The following MRPS35 variants were observed in gnomAD, a reference collection of about 807,000 sequenced individuals.
MRPS35 encodes the protein small ribosomal subunit protein mS35.
Under a neutral mutation model 32.7 loss-of-function variants are expected in MRPS35, and 29 were observed. The observed-to-expected ratio is 0.89, with a 90% confidence interval of 0.66 to 1.21. The LOEUF is 1.21. Ranked by LOEUF, MRPS35 falls within the 50% of genes most tolerant of loss-of-function variation. The probability of loss-of-function intolerance (pLI) is 0.00; values close to 1 mark genes in which losing one functional copy is unlikely to be tolerated. For missense variants in MRPS35, 373 were observed against 383.8 expected (o/e 0.97, Z 0.23); for synonymous variants, 148 against 139.3 (o/e 1.06, Z -0.44).
At chr12:27,732,999 T>G (rs1367654845) in intron 5 of MRPS35, among the ~76,000 whole-genome samples, 142 of 10,190 alleles carry the variant, frequency 0.014, 5 homozygotes, top group East Asian at 0.13. Context: ...TATATATATA[T>G]ATATATATAT....
intron 4 of MRPS35, among the ~76,000 whole-genome samples, chr12:27,723,260 C>T (rs1044729643): frequency 6.6e-6 from 1 of 152,150 alleles, no homozygotes; most frequent in South Asian, 2.1e-4. Flanking sequence ...TGGGAGCTAC[C>T]TCTTTTCCTT....
At position 27,717,340 on chromosome 12, in the gene MRPS35, A is replaced by G. The variant is rs1466407673; in HGVS notation, c.321+882A>G. ...TAGAATATTATTTAGTATTATTATT[A>G]TAGTCTACCAAATTTAACTTTATTG... is the stretch of plus-strand genomic sequence containing the variant. On this transcript the variant is annotated intron_variant, in intron 3 of 7. Coordinates refer to ENST00000081029, the MANE Select transcript of MRPS35 (RefSeq NM_021821.4). Among the ~76,000 whole-genome samples, 5 of 152,254 alleles carry G rather than the reference A, an allele frequency of 3.3e-5. No individual in the cohort carries two copies. The South Asian group carries it at 8.3e-4, about 25-fold the overall frequency.
At chr12:27,725,124 C>T (rs1410125654) in intron 5 of MRPS35, among the ~76,000 whole-genome samples, 2 of 151,996 alleles carry the variant, frequency 1.3e-5, no homozygotes, top group Non-Finnish European at 2.9e-5. Flanking sequence ...ACTTTGTTGC[C>T]CAGCTTTTCT....
At position 27,755,969 on chromosome 12, in the gene MRPS35, T is replaced by C. The variant is rs191649628; in HGVS notation, c.*519T>C. 2 of 152,262 alleles carry C rather than the reference T, an allele frequency of 1.3e-5. No individual in the cohort carries two copies. The highest frequency in any genetic ancestry group is 2.9e-5 in the Non-Finnish European group (2 of 68,062). 9.4% of individuals were successfully genotyped at this position (152,262 alleles called of 1,614,324 possible). ...TAACCTGATATTTTCTAAAAAGATA[T>C]GTTGATTCAACTTTGTTTAGCATCC... On this transcript the variant is annotated 3_prime_UTR_variant, in exon 8 of 8. Transcript: ENST00000081029.
chr12:27,716,525 T>G (rs1007567045), intron 3 of MRPS35, 67 bp downstream of exon 3: 67 of 1,533,000 alleles, frequency 4.4e-5, no homozygotes, highest in Non-Finnish European at 5.8e-5. Context: ...TCCCCCCTAT[T>G]TCTGCTCTCT....
At chr12:27,748,141 A>AT (rs1448380869) in intron 7 of MRPS35, among the ~76,000 whole-genome samples, 1 of 152,120 alleles carries the variant, frequency 6.6e-6, no homozygotes, top group Non-Finnish European at 1.5e-5. Flanking sequence ...CATTTCCTCG[A>AT]TTGTGTTAAG....
chr12:27,755,154 ATT>A, intron 7 of MRPS35, 25 bp from the exon 8 acceptor site: 1 of 1,466,596 alleles, frequency 6.8e-7, no homozygotes, highest in Admixed American at 2.6e-5. Context: ...TTCAGAACTC[ATT>A]TTTTTTTGTT....
At chr12:27,728,953 G>A (rs188002118) in intron 5 of MRPS35, among the ~76,000 whole-genome samples, 2 of 152,294 alleles carry the variant, frequency 1.3e-5, no homozygotes, top group Non-Finnish European at 2.9e-5. Flanking sequence ...GGCACGTAAA[G>A]TCTGGTGGCC....
At chr12:27,726,297 T>C (rs2061900342) in intron 5 of MRPS35, among the ~76,000 whole-genome samples, 1 of 152,118 alleles carries the variant, frequency 6.6e-6, no homozygotes, top group Admixed American at 6.5e-5. Flanking sequence ...ATGTTTTCAA[T>C]AGGTTTCATC....
intron 6 of MRPS35, among the ~76,000 whole-genome samples, chr12:27,735,946 G>A (rs1228871162): frequency 1.3e-5 from 2 of 152,158 alleles, no homozygotes; most frequent in African/African-American, 4.8e-5. Context: ...GATCTATTTG[G>A]AAATTGATGA....
intron 4 of MRPS35, among the ~76,000 whole-genome samples, chr12:27,722,269 A>G (rs772773906): frequency 4.6e-5 from 7 of 152,198 alleles, no homozygotes; most frequent in Non-Finnish European, 5.9e-5. Context: ...CTAACTTGCA[A>G]ATGGAAAATC....
chr12:27,724,938 A>AT (rs2061893693), intron 5 of MRPS35, among the ~76,000 whole-genome samples: 1 of 152,060 alleles, frequency 6.6e-6, no homozygotes, highest in Non-Finnish European at 1.5e-5. Context: ...TTTAATTTGA[A>AT]TTTTTTTGAG....
chr12:27,755,187 G>T lies in MRPS35; in HGVS notation c.709G>T (p.Glu237Ter). 1 of 1,535,230 alleles carries T rather than the reference G, an allele frequency of 6.5e-7. No individual in the cohort carries two copies. The highest frequency in any genetic ancestry group is 8.7e-7 in the Non-Finnish European group (1 of 1,148,970). The change falls in exon 8 of 8, where the codon GAA becomes TAA. Residue 237 changes from glutamate (E) to a stop codon, truncating the protein, a stop_gained. Transcript: ENST00000081029. LOFTEE classifies it low-confidence loss of function (END_TRUNC). ...TVLYHESWNTEEWEKSKTEAD... is the reference protein window; with the variant it reads ...TVLYHESWNT ...TTGTTTTGTTTTGTTTCAGAATACT[G>T]AAGAATGGGAAAAAAGTAAGACTGA...
intron 3 of MRPS35, among the ~76,000 whole-genome samples, chr12:27,719,543 G>GT (rs1417597211): frequency 1.3e-5 from 2 of 151,788 alleles, no homozygotes; most frequent in Admixed American, 6.6e-5. Flanking sequence ...GCGGGCGCCT[G>GT]TAGTCCCAGC....
In MRPS35 at chr12:27,748,678, AT is replaced by A. The variant is rs530038935; in HGVS notation, c.703-6495del. Among the ~76,000 whole-genome samples the A allele has an allele frequency of 9.9e-5, 15 of 151,828 alleles. No homozygotes were observed. The East Asian group carries it at 2.7e-3, about 27-fold the overall frequency. On this transcript the variant is annotated intron_variant, in intron 7 of 7. Coordinates refer to ENST00000081029, the MANE Select transcript of MRPS35 (RefSeq NM_021821.4). ...TTCCAACTACACTTCAATAAAATAA[AT>A]TTTTTTTGTGTGACAAGGTCTGGCC...
At chr12:27,713,680 T>A (rs1285718445) in intron 1 of MRPS35, among the ~76,000 whole-genome samples, 1 of 152,144 alleles carries the variant, frequency 6.6e-6, no homozygotes, top group Non-Finnish European at 1.5e-5. Flanking sequence ...TATTCCTCAC[T>A]CAGTCCACTG....
chr12:27,728,169 A>G (rs966518802), intron 5 of MRPS35, among the ~76,000 whole-genome samples: 1 of 152,016 alleles, frequency 6.6e-6, no homozygotes, highest in Non-Finnish European at 1.5e-5. Context: ...ATCCAATACC[A>G]TTTTTGAAAA....
chr12:27,741,175 A>AAAT (rs1020305165), intron 7 of MRPS35, among the ~76,000 whole-genome samples: 20 of 152,056 alleles, frequency 1.3e-4, no homozygotes, highest in Admixed American at 6.6e-4. Flanking sequence ...CTCAAAAAAA[A>AAAT]AATAATAATA....
At chr12:27,727,021 C>T (rs1266170963) in intron 5 of MRPS35, among the ~76,000 whole-genome samples, 1 of 140,616 alleles carries the variant, frequency 7.1e-6, no homozygotes, top group Non-Finnish European at 1.5e-5. Flanking sequence ...AGTGCAGTGG[C>T]TCGATCTCAG....
Sources: gnomAD v4.1 joint callset for allele counts (sites outside exome capture counted in the v4.1 genomes callset) on GRCh38, gnomAD v4.1.1 for gene constraint, MANE v1.5 for transcripts, NCBI Gene and HGNC (gene_info 2026-07-23, HGNC 2026-07-21) for gene names.